The following ACSL6 variants were observed in gnomAD, a reference collection of about 807,000 sequenced individuals.
The protein encoded by ACSL6 is long-chain-fatty-acid--CoA ligase 6.
ACSL6 carries 47 observed loss-of-function variants against 98.2 expected under a neutral mutation model. That is an observed-to-expected ratio of 0.48 (90% CI 0.38 to 0.61). ACSL6 has a LOEUF of 0.61. Among genes scored for constraint, ACSL6 ranks in the 20% least tolerant of loss-of-function variants. The pLI, the probability that ACSL6 is intolerant of heterozygous loss-of-function variation, is 0.00. For synonymous variants in ACSL6, 362 were observed against 336.9 expected, an observed-to-expected ratio of 1.07 and a Z score of -0.82; for missense variants, 761 against 913.4, an observed-to-expected ratio of 0.83 and a Z score of 2.15.
At chr5:131,979,498 T>C (rs925224528) in intron 9 of ACSL6, among the ~76,000 whole-genome samples, 1 of 152,248 alleles carries the variant, frequency 6.6e-6, no homozygotes, top group Non-Finnish European at 1.5e-5. Flanking sequence ...AGTTATTCAA[T>C]TCCACTTGGT....
rs1315320933 is a variant in ACSL6, at chr5:131,994,035, A to T, written c.266T>A (p.Val89Glu). The T allele has an allele frequency of 6.2e-7, 1 of 1,613,428 alleles. No homozygotes were observed. Among genetic ancestry groups the T allele is most frequent in the East Asian group, 2.2e-5 (1 of 44,878 alleles). ...AACGTCTCCTATCCTGCTCACCTCT[A>T]CTTCTTCTGACTGCATCAGGAGGTT... Reference protein sequence around the residue: ...PCNLLMQSEEVEDSGGARRSV... With the variant: ...PCNLLMQSEEEEDSGGARRSV... The change falls in exon 2 of 21, where the codon GTA becomes GAA. Residue 89 changes from valine (V) to glutamate (E), a missense_variant. Coordinates refer to ENST00000651883, the MANE Select transcript of ACSL6 (RefSeq NM_001009185.3).
rs754202281 is a variant in ACSL6, at chr5:131,973,317, G to A, written c.1152C>T (p.Cys384=). 6.2e-7 allele frequency: 1 copy of A among 1,614,182 alleles called. No homozygotes were observed. The highest frequency in any genetic ancestry group is 1.1e-5 in the South Asian group (1 of 91,086). Residue 384 remains cysteine (C), a synonymous_variant, in exon 12 of 21, where the codon TGC becomes TGT. Coordinates refer to ENST00000651883, the MANE Select transcript of ACSL6 (RefSeq NM_001009185.3). ...GTGGGACCACAGGGAAGATGGTGGGGCATAGAGCCTTCATGTCATCTGAGA... is the reference window on the plus strand; with the variant it reads ...GTGGGACCACAGGGAAGATGGTGGGACATAGAGCCTTCATGTCATCTGAGA... The part of the protein sequence containing the change: ...RLLSDDMKAL[C]PTIFPVVPRL...
intron 20 of ACSL6, among the ~76,000 whole-genome samples, chr5:131,958,700 G>A (rs1212728314): frequency 6.6e-6 from 1 of 151,958 alleles, no homozygotes; most frequent in East Asian, 1.9e-4. Context: ...TTAAAGCACT[G>A]TAAGAGTTTT....
intron 16 of ACSL6, among the ~76,000 whole-genome samples, chr5:131,967,110 C>T (rs753968350): frequency 2.0e-5 from 3 of 151,964 alleles, no homozygotes; most frequent in Admixed American, 6.6e-5. Context: ...TTTGGGAAGC[C>T]GAGGCAGGAA....
chr5:131,988,907 G>A lies in ACSL6; in HGVS notation c.553-3C>T. Reference sequence around the variant, plus strand: ...CAGGCCAGCTCCACAATGATCCACTGTGGAGACACATGAGGCGGGGGTGGG... The same window carrying A: ...CAGGCCAGCTCCACAATGATCCACTATGGAGACACATGAGGCGGGGGTGGG... On this transcript the variant is annotated splice_polypyrimidine_tract_variant and splice_region_variant and intron_variant, in intron 5 of 20. Coordinates refer to ENST00000651883, the MANE Select transcript of ACSL6 (RefSeq NM_001009185.3). The A allele has an allele frequency of 1.2e-6, 2 of 1,612,562 alleles. No homozygotes were observed. Among genetic ancestry groups the A allele is most frequent in the Non-Finnish European group, 1.7e-6 (2 of 1,178,826 alleles).
intron 6 of ACSL6, 200 bp from the exon 7 acceptor site, chr5:131,988,426 T>G (rs71970): frequency 0.81 from 1,092,079 of 1,343,576 alleles, 448,129 homozygotes; most frequent in Non-Finnish European, 0.84. Context: ...CAGAAGGCCA[T>G]GGAACCTCCT....
At chr5:132,004,685 G>A (rs1301501837) in intron 1 of ACSL6, among the ~76,000 whole-genome samples, 1 of 152,178 alleles carries the variant, frequency 6.6e-6, no homozygotes, top group African/African-American at 2.4e-5. Flanking sequence ...GGTTCCACAG[G>A]TCATAGCCTT....
At chr5:131,997,175 G>A (rs2126930633) in intron 1 of ACSL6, among the ~76,000 whole-genome samples, 1 of 152,286 alleles carries the variant, frequency 6.6e-6, no homozygotes, top group South Asian at 2.1e-4. Flanking sequence ...AAGGGGACTT[G>A]GCCTAAAATT....
chr5:131,994,109 GA>G lies in ACSL6; in HGVS notation c.191del (p.Ile64ThrfsTer20). The G allele has an allele frequency of 6.2e-7, 1 of 1,614,214 alleles. No individual in the cohort carries two copies. Among genetic ancestry groups the G allele is most frequent in the Non-Finnish European group, 8.5e-7 (1 of 1,180,048 alleles). ...GCCGGTGAGTGAACCAGTAGGCAAG[GA>G]TGGCAGCCAGGGCACCCATACTCAC... ...TLVSMGALAA[I>X]LAYWFTHRPK... On this transcript the variant is annotated frameshift_variant, in exon 2 of 21. Transcript: ENST00000651883. LOFTEE classifies it high-confidence loss of function.
At chr5:131,985,689 T>C (rs1754140314) in intron 8 of ACSL6, among the ~76,000 whole-genome samples, 1 of 152,210 alleles carries the variant, frequency 6.6e-6, no homozygotes, top group Non-Finnish European at 1.5e-5. Flanking sequence ...TGAACACTAA[T>C]CTGTCCCACC....
intron 1 of ACSL6, among the ~76,000 whole-genome samples, chr5:132,004,824 C>G (rs911496820): frequency 6.6e-6 from 1 of 152,126 alleles, no homozygotes; most frequent in Non-Finnish European, 1.5e-5. Context: ...CAGACCTAGG[C>G]TTAGGGGAGT....
intron 2 of ACSL6, among the ~76,000 whole-genome samples, chr5:131,991,363 A>G (rs1754503083): frequency 6.6e-6 from 1 of 152,224 alleles, no homozygotes; most frequent in African/African-American, 2.4e-5. Flanking sequence ...CAACCTGCCA[A>G]GGTATCTCCC....
Position 131,988,884 on chromosome 5 carries a change from G to A in ACSL6, c.573C>T (p.Ala191=). 1 of 1,613,956 alleles carries A rather than the reference G, an allele frequency of 6.2e-7. No homozygotes were observed. The highest frequency in any genetic ancestry group is 1.3e-5 in the African/African-American group (1 of 74,948). ...NRPEWIIVEL[A]CYTYSMVVVP... ...CCACCACCATGGAATATGTGTAGCA[G>A]GCCAGCTCCACAATGATCCACTGTG... Residue 191 remains alanine, a synonymous_variant, in exon 6 of 21, where the codon GCC becomes GCT. Coordinates refer to ENST00000651883, the MANE Select transcript of ACSL6 (RefSeq NM_001009185.3).
chr5:131,990,960 C>G lies in ACSL6; in HGVS notation c.278G>C (p.Gly93Ala), dbSNP rs1213280500. The change falls in exon 3 of 21, where the codon GGC (glycine) becomes GCC (alanine). Residue 93 changes from glycine to alanine, a missense_variant. Physicochemically the swap from Gly to Ala is moderately conservative, Grantham distance 60 (BLOSUM62 0). Coordinates refer to ENST00000651883, the MANE Select transcript of ACSL6 (RefSeq NM_001009185.3). Reference sequence around the variant, plus strand: ...CCCAATCACAGATCGCCGTGCCCCGCCACTGTCCTACAAGCCAAGCACCGG... The same window carrying G: ...CCCAATCACAGATCGCCGTGCCCCGGCACTGTCCTACAAGCCAAGCACCGG... Reference protein sequence around the residue: ...LMQSEEVEDSGGARRSVIGSG... With the variant: ...LMQSEEVEDSAGARRSVIGSG... 6.2e-7 allele frequency: 1 copy of G among 1,613,982 alleles called. No individual in the cohort carries two copies. The highest frequency in any genetic ancestry group is 1.7e-5 in the Admixed American group (1 of 60,016).
At position 132,011,310 on chromosome 5, in the gene ACSL6, C is replaced by T; in HGVS notation, c.49+195G>A. 1 of 643,774 alleles carries T rather than the reference C, an allele frequency of 1.6e-6. No homozygotes were observed. Among genetic ancestry groups the T allele is most frequent in the South Asian group, 1.8e-5 (1 of 54,386 alleles). The allele number at this position is 643,774 out of a possible 1,614,324, so 39.9% of individuals were successfully genotyped here. On this transcript the variant is annotated intron_variant, in intron 1 of 20. Transcript: ENST00000651883. The surrounding 1 kb of genome is among the most constrained non-coding windows in gnomAD (Gnocchi z 5.4). ...CTCCCTCCGCAGACCCAGGTGCTCC[C>T]CAAACCCGGCCCGGAGCCCGCGAGA...
In ACSL6 at chr5:131,970,346, A is replaced by G. The variant is rs553540391; in HGVS notation, c.1435-146T>C. 11 of 658,914 alleles carry G rather than the reference A, an allele frequency of 1.7e-5. No homozygotes were observed. The African/African-American group carries it at 1.8e-4, about 11-fold the overall frequency. 40.8% of individuals were successfully genotyped at this position (658,914 alleles called of 1,614,324 possible). A position where few individuals can be genotyped will look rare whatever the true frequency, so the allele number is the denominator to read the frequency against. On this transcript the variant is annotated intron_variant, in intron 14 of 20. Transcript: ENST00000651883. ...GGAGGGAGGGAGGTGCTCTGGAGGT[A>G]GATAACTCCAGGTGAAACTGAACAC...
intron 14 of ACSL6, among the ~76,000 whole-genome samples, chr5:131,971,205 T>C (rs76899682): frequency 1.3e-5 from 2 of 152,336 alleles, no homozygotes; most frequent in South Asian, 2.1e-4. Context: ...TTGCAAGATA[T>C]TTTGCAGGCT....
intron 16 of ACSL6, among the ~76,000 whole-genome samples, chr5:131,967,693 T>G (rs1274311415): frequency 6.8e-6 from 1 of 147,790 alleles, no homozygotes; most frequent in African/African-American, 2.5e-5. Flanking sequence ...ATAATAATAA[T>G]AATAATTAAT....
At chr5:131,983,105 C>T (rs1364404184) in intron 9 of ACSL6, 5 of 152,228 alleles carry the variant, frequency 3.3e-5, no homozygotes, top group Admixed American at 1.3e-4. Context: ...CATATGAACT[C>T]ACAAGGATAA....
Sources: gnomAD v4.1 joint callset for allele counts (sites outside exome capture counted in the v4.1 genomes callset) on GRCh38, gnomAD v4.1.1 for gene constraint, Gnocchi (gnomAD v3.1) non-coding constraint, MANE v1.5 for transcripts, NCBI Gene and HGNC (gene_info 2026-07-23, HGNC 2026-07-21) for gene names.